PHTF2: variants seen among roughly 807,000 people sequenced by gnomAD.
The protein encoded by PHTF2 is putative homeodomain transcription factor 2.
Under a neutral mutation model 101.2 loss-of-function variants are expected in PHTF2, and 60 were observed. The observed-to-expected ratio is 0.59, with a 90% confidence interval of 0.48 to 0.73. The LOEUF (loss-of-function observed/expected upper bound fraction) is 0.73, where lower values mean the gene tolerates loss of function less well. PHTF2 is among the 30% of genes least tolerant of loss of function. The pLI, the probability that PHTF2 is intolerant of heterozygous loss-of-function variation, is 0.00. For missense variants in PHTF2, 747 were observed against 908.7 expected (o/e 0.82, Z 2.29); for synonymous variants, 311 against 307.3 (o/e 1.01, Z -0.13).
chr7:77,817,503 A>G (rs913112313), intron 1 of PHTF2, among the ~76,000 whole-genome samples: 1 of 152,184 alleles, frequency 6.6e-6, no homozygotes, highest in East Asian at 1.9e-4. Flanking sequence ...AAGAATGAGA[A>G]CCAAGCAAAG....
intron 5 of PHTF2, among the ~76,000 whole-genome samples, chr7:77,900,229 G>A (rs1205633787): frequency 6.6e-6 from 1 of 152,106 alleles, no homozygotes; most frequent in Non-Finnish European, 1.5e-5. Flanking sequence ...TGTCCTCCCT[G>A]GGTCTCAGCT....
chr7:77,940,690 C>T, intron 15 of PHTF2, 31 bp downstream of exon 14: 1 of 1,495,806 alleles, frequency 6.7e-7, no homozygotes, highest in Non-Finnish European at 9.1e-7. Context: ...GTAGCTTTAA[C>T]ATGCTGGCCC....
At chr7:77,918,333 A>G (rs913687139) in intron 9 of PHTF2, among the ~76,000 whole-genome samples, 2 of 152,026 alleles carry the variant, frequency 1.3e-5, no homozygotes, top group Non-Finnish European at 2.9e-5. Context: ...GCCTACTAAC[A>G]TTTCTCAGAG....
intron 15 of PHTF2, 58 bp downstream of exon 14, chr7:77,940,717 T>C: frequency 8.2e-7 from 1 of 1,218,796 alleles, no homozygotes. Context: ...ATAGTTCCAG[T>C]TTCTTTATCA....
At chr7:77,862,057 C>T (rs1045795025) in intron 3 of PHTF2, among the ~76,000 whole-genome samples, 1 of 94,998 alleles carries the variant, frequency 1.1e-5, no homozygotes, top group Non-Finnish European at 2.1e-5. Flanking sequence ...AACTCCATCT[C>T]AAAAAAAAAA....
intron 1 of PHTF2, among the ~76,000 whole-genome samples, chr7:77,810,844 C>T (rs1482898882): frequency 6.6e-6 from 1 of 151,876 alleles, no homozygotes; most frequent in African/African-American, 2.4e-5. Context: ...AGCTGAATGA[C>T]CTTCAATTTG....
intron 3 of PHTF2, among the ~76,000 whole-genome samples, chr7:77,870,347 A>G (rs1798416642): frequency 6.6e-6 from 1 of 151,884 alleles, no homozygotes; most frequent in African/African-American, 2.4e-5. Context: ...AACTCACACT[A>G]TCACAAGGTC....
At chr7:77,818,489 G>C (rs1433991648) in intron 1 of PHTF2, among the ~76,000 whole-genome samples, 1 of 152,274 alleles carries the variant, frequency 6.6e-6, no homozygotes, top group Non-Finnish European at 1.5e-5. Flanking sequence ...AGTTTTCCCA[G>C]AAGTATTTAT....
intron 2 of PHTF2, among the ~76,000 whole-genome samples, chr7:77,849,143 A>T (rs2150611866): frequency 6.6e-6 from 1 of 151,600 alleles, no homozygotes; most frequent in Non-Finnish European, 1.5e-5. Context: ...TGCTTTTTTG[A>T]GATGGAGTCT....
At chr7:77,933,170 A>G (rs911593715) in intron 12 of PHTF2, among the ~76,000 whole-genome samples, 4 of 152,138 alleles carry the variant, frequency 2.6e-5, no homozygotes, top group South Asian at 2.1e-4. Flanking sequence ...CCCAGGAGGT[A>G]GAGCTTGCAG....
chr7:77,810,160 A>G (rs929468349), intron 1 of PHTF2, among the ~76,000 whole-genome samples: 3 of 152,040 alleles, frequency 2.0e-5, no homozygotes, highest in Admixed American at 6.6e-5. Context: ...TATTTGCTTT[A>G]TCATTTTCTT....
At chr7:77,855,677 C>T (rs1189803784) in intron 3 of PHTF2, among the ~76,000 whole-genome samples, 1 of 152,156 alleles carries the variant, frequency 6.6e-6, no homozygotes, top group Non-Finnish European at 1.5e-5. Flanking sequence ...GATGATACCC[C>T]TCTGCCTAGG....
intron 13 of PHTF2, among the ~76,000 whole-genome samples, chr7:77,939,785 G>A (rs1043903747): frequency 6.6e-6 from 1 of 151,924 alleles, no homozygotes; most frequent in South Asian, 2.1e-4. Flanking sequence ...TTTTTTTCAA[G>A]ATCTGGATGA....
At chr7:77,908,539 G>A (rs1050535570) in intron 7 of PHTF2, among the ~76,000 whole-genome samples, 7 of 152,216 alleles carry the variant, frequency 4.6e-5, no homozygotes, top group Non-Finnish European at 7.3e-5. Flanking sequence ...TCTAATTTAC[G>A]TTGCAGCGTT....
chr7:77,822,141 G>T (rs138430024), intron 1 of PHTF2, among the ~76,000 whole-genome samples: 9 of 152,212 alleles, frequency 5.9e-5, no homozygotes, highest in Admixed American at 5.2e-4. Flanking sequence ...TTTGCCTTAG[G>T]TGGGAGTGCC....
rs569865160 is a variant in PHTF2 at position 77,819,547 on chromosome 7, A to G, written c.-36+20576A>G. Among the ~76,000 whole-genome samples, 78 of 152,242 alleles carry G rather than the reference A, an allele frequency of 5.1e-4. No homozygotes were observed. In the South Asian group the frequency reaches 0.016, roughly 32 times the overall value. ...TGATGTATGATGTTTATTGATTTGTATTTGTTGAACCGTCCTTGCGTTCCT... is the reference window on the plus strand; with the variant it reads ...TGATGTATGATGTTTATTGATTTGTGTTTGTTGAACCGTCCTTGCGTTCCT... On this transcript the variant is annotated intron_variant, in intron 1 of 19. Coordinates refer to ENST00000416283, the Ensembl canonical transcript of PHTF2.
At chr7:77,880,703 G>A (rs112708027) in intron 3 of PHTF2, among the ~76,000 whole-genome samples, 3 of 152,232 alleles carry the variant, frequency 2.0e-5, no homozygotes, top group African/African-American at 4.8e-5. Flanking sequence ...CTCTGGCACC[G>A]TGCTTTAGGC....
At position 77,900,445 on chromosome 7, in the gene PHTF2, A is replaced by G. The variant is rs145718406; in HGVS notation, c.217-266A>G. Among the ~76,000 whole-genome samples the G allele has an allele frequency of 3.2e-3, 480 of 152,330 alleles. 4 individuals are homozygous for G. Among genetic ancestry groups the G allele is most frequent in the African/African-American group, 0.01 (418 of 41,582 alleles). On this transcript the variant is annotated intron_variant, in intron 5 of 19. Transcript: ENST00000416283. Reference sequence around the variant, plus strand: ...AGCTGTACACCTAAATTTGCTTGGTAGTAATAGTATTTGTAGTAGAATTTT... The same window carrying G: ...AGCTGTACACCTAAATTTGCTTGGTGGTAATAGTATTTGTAGTAGAATTTT...
At chr7:77,926,582 C>T (rs1323140176) in intron 11 of PHTF2, among the ~76,000 whole-genome samples, 2 of 137,860 alleles carry the variant, frequency 1.5e-5, no homozygotes, top group Non-Finnish European at 3.2e-5. Flanking sequence ...AGGAGATGGC[C>T]AAAAAAAAAA....
Sources: allele counts gnomAD v4.1 joint callset (sites outside exome capture counted in the v4.1 genomes callset), GRCh38; gene constraint gnomAD v4.1.1; transcripts MANE v1.5; gene names NCBI Gene and HGNC (gene_info 2026-07-23, HGNC 2026-07-21).